Variants in NCEH1 observed in about 807,000 individuals in gnomAD.
NCEH1 encodes 2-acetyl MAGE hydrolase.
A neutral mutation model predicts 25.4 loss-of-function variants in NCEH1; 9 were observed. That is an observed-to-expected ratio of 0.35 (90% CI 0.21 to 0.62). NCEH1 has a LOEUF of 0.62. Ranked by LOEUF, NCEH1 falls within the 20% of genes least tolerant of loss-of-function variation. NCEH1 has a pLI of 0.72. For missense variants in NCEH1, 412 were observed against 501.1 expected, an observed-to-expected ratio of 0.82 and a Z score of 1.70; for synonymous variants, 200 against 199.8, an observed-to-expected ratio of 1.00 and a Z score of -0.01.
chr3:172,701,670 C>T (rs1321700713), intron 1 of NCEH1, among the ~76,000 whole-genome samples: 1 of 146,382 alleles, frequency 6.8e-6, no homozygotes. Context: ...TTCACCATAC[C>T]GGCCAGGCTG....
intron 2 of NCEH1, among the ~76,000 whole-genome samples, 181 bp downstream of exon 2, chr3:172,647,703 CTT>C (rs1717184338): frequency 6.6e-6 from 1 of 152,172 alleles, no homozygotes; most frequent in African/African-American, 2.4e-5. Flanking sequence ...AACCAGGACC[CTT>C]TTGAGAGTGA....
intron 3 of NCEH1, among the ~76,000 whole-genome samples, chr3:172,638,088 G>A (rs1716676430): frequency 6.6e-6 from 1 of 152,042 alleles, no homozygotes; most frequent in Non-Finnish European, 1.5e-5. Flanking sequence ...ATTCATTGTA[G>A]ATAAAATCAA....
intron 3 of NCEH1, 90 bp downstream of exon 3, chr3:172,645,533 T>C: frequency 3.9e-6 from 3 of 766,912 alleles, no homozygotes; most frequent in East Asian, 2.7e-5. Flanking sequence ...CTTTATTTTT[T>C]ACTTTATCAC....
chr3:172,688,821 A>G (rs886692071), intron 1 of NCEH1, among the ~76,000 whole-genome samples: 8 of 152,138 alleles, frequency 5.3e-5, no homozygotes, highest in Non-Finnish European at 1.0e-4. Context: ...TGGGGCTGAC[A>G]GGTTAAACTC....
intron 1 of NCEH1, among the ~76,000 whole-genome samples, chr3:172,707,645 GC>G (rs951395781): frequency 5.3e-5 from 8 of 152,034 alleles, no homozygotes; most frequent in African/African-American, 1.9e-4. Flanking sequence ...GAGTGCAGTG[GC>G]CTGATCTCGG....
intron 1 of NCEH1, among the ~76,000 whole-genome samples, chr3:172,691,224 C>G (rs1479388499): frequency 1.3e-5 from 2 of 152,180 alleles, no homozygotes; most frequent in Non-Finnish European, 2.9e-5. Context: ...GTCCATCCTT[C>G]AGTATCCATG....
chr3:172,699,154 A>C (rs1226794595), intron 1 of NCEH1, among the ~76,000 whole-genome samples: 1 of 152,146 alleles, frequency 6.6e-6, no homozygotes, highest in Non-Finnish European at 1.5e-5. Flanking sequence ...AGAGACGGGG[A>C]AGTTCTCAAA....
At chr3:172,640,181 A>T (rs749755196) in intron 3 of NCEH1, among the ~76,000 whole-genome samples, 8 of 152,240 alleles carry the variant, frequency 5.3e-5, no homozygotes, top group Non-Finnish European at 8.8e-5. Flanking sequence ...GAATAAAATT[A>T]TACTCCTATC....
chr3:172,656,492 C>T (rs747100921), intron 1 of NCEH1, among the ~76,000 whole-genome samples: 1 of 152,068 alleles, frequency 6.6e-6, no homozygotes, highest in Non-Finnish European at 1.5e-5. Flanking sequence ...TTTGGCTGGG[C>T]GCAGTGGCTC....
chr3:172,630,908 A>G lies in NCEH1; in HGVS notation c.*2567T>C, dbSNP rs1716314755. On this transcript the variant is annotated 3_prime_UTR_variant, in exon 5 of 5. Transcript: ENST00000475381. ...ATAAAACATTAATTTATACTTCACT[A>G]TACAGCACTTCAAGGTTTTTCTTTA... 1 of 152,094 alleles carries G rather than the reference A, an allele frequency of 6.6e-6. No individual in the cohort carries two copies. 9.4% of individuals were successfully genotyped at this position (152,094 alleles called of 1,614,324 possible).
At chr3:172,694,083 C>T (rs1053827584) in intron 1 of NCEH1, among the ~76,000 whole-genome samples, 2 of 152,082 alleles carry the variant, frequency 1.3e-5, no homozygotes, top group African/African-American at 2.4e-5. Flanking sequence ...TTTGTAGAGA[C>T]GGGTCTCACC....
chr3:172,700,799 G>T (rs1271890078), intron 1 of NCEH1, among the ~76,000 whole-genome samples: 1 of 151,976 alleles, frequency 6.6e-6, no homozygotes, highest in Non-Finnish European at 1.5e-5. Context: ...TGGTGTCCTT[G>T]AGCCTTTCTG....
At chr3:172,709,519 A>G (rs1277896027) in intron 1 of NCEH1, among the ~76,000 whole-genome samples, 2 of 152,190 alleles carry the variant, frequency 1.3e-5, no homozygotes, top group African/African-American at 2.4e-5. Context: ...AAGCAAGAGG[A>G]AAAGAAGGGG....
intron 1 of NCEH1, among the ~76,000 whole-genome samples, chr3:172,660,591 C>T (rs1444105794): frequency 6.6e-6 from 1 of 152,180 alleles, no homozygotes; most frequent in Non-Finnish European, 1.5e-5. Context: ...CACTTCCACC[C>T]ACAGTGTAAA....
At chr3:172,658,318 T>C (rs1177602775) in intron 1 of NCEH1, among the ~76,000 whole-genome samples, 2 of 152,238 alleles carry the variant, frequency 1.3e-5, no homozygotes, top group Non-Finnish European at 2.9e-5. Context: ...AATGGGCACC[T>C]GCTCAGGTTC....
At chr3:172,687,862 T>G (rs1357037330) in intron 1 of NCEH1, among the ~76,000 whole-genome samples, 1 of 152,224 alleles carries the variant, frequency 6.6e-6, no homozygotes, top group East Asian at 1.9e-4. Context: ...GCTGGCTGTT[T>G]GAAAGTTTGA....
At chr3:172,695,345 C>A (rs750536033) in intron 1 of NCEH1, among the ~76,000 whole-genome samples, 3 of 152,184 alleles carry the variant, frequency 2.0e-5, no homozygotes, top group Non-Finnish European at 4.4e-5. Flanking sequence ...GTACCTACAG[C>A]CTAAGGAACT....
rs892565628 is a variant in NCEH1, at chr3:172,652,857, G to C, written c.139-4743C>G. On this transcript the variant is annotated intron_variant, in intron 1 of 4. Coordinates refer to ENST00000475381, the MANE Select transcript of NCEH1 (RefSeq NM_020792.6). ...ATTACAGATGCCTACCACCACACCT[G>C]GCTAATTTTTGTATTTTTTTTTTTT... is the stretch of plus-strand genomic sequence containing the variant. Among the ~76,000 whole-genome samples, 4 of 151,236 alleles carry C rather than the reference G, an allele frequency of 2.6e-5. No individual in the cohort carries two copies. In the East Asian group the frequency reaches 7.7e-4, roughly 29 times the overall value.
At chr3:172,644,068 T>C (rs906174852) in intron 3 of NCEH1, among the ~76,000 whole-genome samples, 2 of 152,038 alleles carry the variant, frequency 1.3e-5, no homozygotes, top group Admixed American at 6.5e-5. Context: ...GCTCCAGCTG[T>C]CTGGACTCTA....
Sources: allele counts gnomAD v4.1 joint callset (sites outside exome capture counted in the v4.1 genomes callset), GRCh38; gene constraint gnomAD v4.1.1; transcripts MANE v1.5; gene names NCBI Gene and HGNC (gene_info 2026-07-23, HGNC 2026-07-21).